Variants in DHX40 observed in about 807,000 individuals in gnomAD.
The protein encoded by DHX40 is probable ATP-dependent RNA helicase DHX40.
In DHX40, 28 loss-of-function variants were observed where a neutral mutation model predicts 89.6. The ratio of observed to expected loss-of-function variants is 0.31; its 90% CI spans 0.23 to 0.43. The LOEUF (loss-of-function observed/expected upper bound fraction) is 0.43, where lower values mean the gene tolerates loss of function less well. Ranked by LOEUF, DHX40 falls within the 20% of genes least tolerant of loss-of-function variation. The probability of loss-of-function intolerance (pLI) is 1.00; values close to 1 mark genes in which losing one functional copy is unlikely to be tolerated. For missense variants in DHX40, 457 were observed against 844.0 expected (o/e 0.54, Z 5.68); for synonymous variants, 226 against 283.6 (o/e 0.80, Z 2.04).
chr17:59,600,345 A>T (rs1040318716), intron 14 of DHX40, among the ~76,000 whole-genome samples: 1 of 152,052 alleles, frequency 6.6e-6, no homozygotes. Flanking sequence ...AAAAAAAAAA[A>T]TCTTAAAAAT....
chr17:59,565,659 C>G lies in DHX40; in HGVS notation c.-13C>G, dbSNP rs370707430. On this transcript the variant is annotated 5_prime_UTR_variant, in exon 1 of 18. Coordinates refer to ENST00000251241, the MANE Select transcript of DHX40 (RefSeq NM_024612.5). ...ATCGGTGGACGTGCTCGCCTCCACT[C>G]GGGGCCAGGTCTATGTCCCGGTTTC... 3 of 1,596,126 alleles carry G rather than the reference C, an allele frequency of 1.9e-6. No individual in the cohort carries two copies. The highest frequency in any genetic ancestry group is 1.7e-5 in the Admixed American group (1 of 59,516).
intron 12 of DHX40, among the ~76,000 whole-genome samples, chr17:59,597,795 C>A (rs1017162399): frequency 3.0e-4 from 45 of 151,182 alleles, no homozygotes; most frequent in Non-Finnish European, 6.1e-4. Context: ...ATTAGCCGGG[C>A]GCGGTGGCGG....
At chr17:59,572,685 A>G (rs528429501) in intron 3 of DHX40, among the ~76,000 whole-genome samples, 1 of 152,284 alleles carries the variant, frequency 6.6e-6, no homozygotes, top group Non-Finnish European at 1.5e-5. Context: ...GACCTAAGTA[A>G]CACATTTTTT....
chr17:59,589,851 G>T lies in DHX40; in HGVS notation c.1582+1798G>T, dbSNP rs1424482450. 1.3e-4 allele frequency among the ~76,000 whole-genome samples: 19 copies of T among 146,592 alleles called. No individual in the cohort carries two copies. In the East Asian group the frequency reaches 3.8e-3, roughly 29 times the overall value. On this transcript the variant is annotated intron_variant, in intron 12 of 17. Transcript: ENST00000251241. ...TTCTTCTGCCTCAGCCTCCCAGGTAGCTGGGATTACAGGCATGGGCCACCA... is the reference window on the plus strand; with the variant it reads ...TTCTTCTGCCTCAGCCTCCCAGGTATCTGGGATTACAGGCATGGGCCACCA...
intron 16 of DHX40, 104 bp downstream of exon 16, chr17:59,605,288 A>G (rs970563771): frequency 3.9e-6 from 5 of 1,298,566 alleles, no homozygotes; most frequent in Admixed American, 2.0e-5. Context: ...ATTTACATAT[A>G]TCTATATTAC....
At chr17:59,576,995 G>T in intron 7 of DHX40, 1 of 382,722 alleles carries the variant, frequency 2.6e-6, no homozygotes, top group Non-Finnish European at 5.0e-6. Context: ...TCAGCCTCCC[G>T]AGTAGCTGGG....
chr17:59,599,081 T>C (rs1340813435), intron 13 of DHX40, among the ~76,000 whole-genome samples: 2 of 152,254 alleles, frequency 1.3e-5, no homozygotes, highest in Non-Finnish European at 2.9e-5. Context: ...AATGACCTTA[T>C]AGAATTTTGC....
intron 1 of DHX40, among the ~76,000 whole-genome samples, chr17:59,566,052 T>TC (rs2048700043): frequency 6.6e-6 from 1 of 152,158 alleles, no homozygotes; most frequent in South Asian, 2.1e-4. Flanking sequence ...TTAAACAGGC[T>TC]CATAGACCCT....
At chr17:59,573,678 A>G in intron 4 of DHX40, 62 bp from the exon 5 acceptor site, 1 of 1,522,430 alleles carries the variant, frequency 6.6e-7, no homozygotes. Context: ...ATAGCAGTGT[A>G]TCTAAAATAG....
At chr17:59,592,086 G>C (rs2049091856) in intron 12 of DHX40, among the ~76,000 whole-genome samples, 1 of 151,392 alleles carries the variant, frequency 6.6e-6, no homozygotes, top group African/African-American at 2.4e-5. Context: ...GCCCAGGTTA[G>C]TCTCAAACTC....
At chr17:59,570,237 TAA>T (rs1491307317) in intron 2 of DHX40, among the ~76,000 whole-genome samples, 4 of 127,780 alleles carry the variant, frequency 3.1e-5, no homozygotes, top group African/African-American at 9.1e-5. Context: ...TATTAGTATA[TAA>T]TATATATAAT....
At chr17:59,566,842 C>A in intron 2 of DHX40, 48 bp downstream of exon 2, 1 of 1,492,718 alleles carries the variant, frequency 6.7e-7, no homozygotes, top group South Asian at 1.4e-5. Flanking sequence ...AAAATATCCT[C>A]TTTTTAAAGG....
chr17:59,585,427 A>C (rs140264230), intron 10 of DHX40, among the ~76,000 whole-genome samples: 1,845 of 150,668 alleles, frequency 0.012, 29 homozygotes, highest in Non-Finnish European at 0.02. Context: ...AATTGTATTT[A>C]AGAAGCATTT....
At chr17:59,575,578 C>G (rs1216798214) in intron 7 of DHX40, 107 bp downstream of exon 7, 1 of 873,130 alleles carries the variant, frequency 1.1e-6, no homozygotes, top group African/African-American at 1.7e-5. Flanking sequence ...GTAAGTTTCA[C>G]AAACCAGTCT....
At position 59,607,248 on chromosome 17, in the gene DHX40, C is replaced by G. The variant is rs764924133; in HGVS notation, c.*76C>G. 3 of 1,613,756 alleles carry G rather than the reference C, an allele frequency of 1.9e-6. No individual in the cohort carries two copies. The highest frequency in any genetic ancestry group is 1.7e-6 in the Non-Finnish European group (2 of 1,179,964). On this transcript the variant is annotated 3_prime_UTR_variant, in exon 18 of 18. Coordinates refer to ENST00000251241, the MANE Select transcript of DHX40 (RefSeq NM_024612.5). ...CTTCTACTTTGCCAGTTATTTCAGACAGCACTACCAAGAGGAGGTGGTCAG... is the reference window on the plus strand; with the variant it reads ...CTTCTACTTTGCCAGTTATTTCAGAGAGCACTACCAAGAGGAGGTGGTCAG...
rs1222715479 is a variant in DHX40, at chr17:59,607,693, C to G, written c.*521C>G. 6.1e-6 allele frequency: 1 copy of G among 162,664 alleles called. No individual in the cohort carries two copies. The highest frequency in any genetic ancestry group is 1.3e-5 in the Non-Finnish European group (1 of 74,866). The allele number at this position is 162,664 out of a possible 1,614,324, so 10.1% of individuals were successfully genotyped here. On this transcript the variant is annotated 3_prime_UTR_variant, in exon 18 of 18. Transcript: ENST00000251241. ...TAGATGTCTAACTGTTTAATTGCTA[C>G]AGAGCTTTATAGATATTTAGAGAAA... is the stretch of plus-strand genomic sequence containing the variant.
chr17:59,566,118 G>A (rs2048701374), intron 1 of DHX40, among the ~76,000 whole-genome samples: 1 of 152,108 alleles, frequency 6.6e-6, no homozygotes, highest in Non-Finnish European at 1.5e-5. Flanking sequence ...GCCTGCCTTT[G>A]GGTACAGTAT....
Position 59,565,790 on chromosome 17 carries a change from T to A in DHX40, c.112+7T>A. On this transcript the variant is annotated splice_region_variant and intron_variant, in intron 1 of 17. Coordinates refer to ENST00000251241, the MANE Select transcript of DHX40 (RefSeq NM_024612.5). Reference sequence around the variant, plus strand: ...GTTTGCATCGCCGATAGAGGTGCGGTCCGCGGGACGGTACGGAAGCCAGCG... The same window carrying A: ...GTTTGCATCGCCGATAGAGGTGCGGACCGCGGGACGGTACGGAAGCCAGCG... 1 of 1,594,444 alleles carries A rather than the reference T, an allele frequency of 6.3e-7. No homozygotes were observed. Among genetic ancestry groups the A allele is most frequent in the Non-Finnish European group, 8.5e-7 (1 of 1,174,264 alleles).
In DHX40 at chr17:59,570,552, A is replaced by C. The variant is rs141519169; in HGVS notation, c.315A>C (p.Gln105His). The C allele has an allele frequency of 6.2e-7, 1 of 1,607,514 alleles. No homozygotes were observed. The highest frequency in any genetic ancestry group is 1.1e-5 in the South Asian group (1 of 90,262). Residue 105 changes from glutamine to histidine, a missense_variant, in exon 3 of 18, where the codon CAA (glutamine) becomes CAC (histidine). Physicochemically the swap from Gln to His is conservative, Grantham distance 24. Around this residue, in one of 9 missense-constraint regions of DHX40, gnomAD observed 61 missense variants for 100.4 expected, o/e 0.61. Coordinates refer to ENST00000251241, the MANE Select transcript of DHX40 (RefSeq NM_024612.5). ...FSQHGMIGVT[Q>H]PRKVAAISVA... ...AACATGGTATGATTGGTGTAACTCA[A>C]CCACGAAAAGTAGCTGCTATATCAG... is the stretch of plus-strand genomic sequence containing the variant.
Sources: allele counts gnomAD v4.1 joint callset (sites outside exome capture counted in the v4.1 genomes callset), GRCh38; gene constraint gnomAD v4.1.1; regional missense constraint gnomAD v4.1.1; transcripts MANE v1.5; gene names NCBI Gene and HGNC (gene_info 2026-07-23, HGNC 2026-07-21).